WAC: variants seen among roughly 807,000 people sequenced by gnomAD.
WAC encodes the protein WW domain-containing adapter protein with coiled-coil.
Under a neutral mutation model 79.6 loss-of-function variants are expected in WAC, and 11 were observed. The observed-to-expected ratio is 0.14, with a 90% CI of 0.09 to 0.23. WAC has a LOEUF of 0.23. Ranked by LOEUF, WAC falls within the 10% of genes least tolerant of loss-of-function variation. The pLI is 1.00. For missense variants in WAC, 728 were observed against 773.5 expected, an observed-to-expected ratio of 0.94 and a Z score of 0.70; for synonymous variants, 304 against 276.9, an observed-to-expected ratio of 1.10 and a Z score of -0.97.
chr10:28,546,559 C>T (rs1837358056), intron 3 of WAC, among the ~76,000 whole-genome samples: 1 of 152,090 alleles, frequency 6.6e-6, no homozygotes, highest in South Asian at 2.1e-4. Flanking sequence ...AGTTATGATA[C>T]TTTGATTTTT....
chr10:28,603,785 T>A (rs760660055), intron 7 of WAC, among the ~76,000 whole-genome samples: 2 of 151,028 alleles, frequency 1.3e-5, no homozygotes, highest in Admixed American at 6.6e-5. Flanking sequence ...ATACAAAAAA[T>A]TAGCCGGTCG....
At chr10:28,575,748 C>CA (rs1381323698) in intron 3 of WAC, among the ~76,000 whole-genome samples, 1 of 152,156 alleles carries the variant, frequency 6.6e-6, no homozygotes, top group African/African-American at 2.4e-5. Flanking sequence ...TGATTAGCAA[C>CA]ATTCTATGTG....
intron 4 of WAC, 153 bp from the exon 5 acceptor site, chr10:28,589,583 A>G: frequency 2.5e-6 from 1 of 405,246 alleles, no homozygotes; most frequent in Non-Finnish European, 4.4e-6. Context: ...TCATAAACTA[A>G]GGTCTTATAA....
intron 4 of WAC, among the ~76,000 whole-genome samples, chr10:28,585,170 T>C (rs1242423906): frequency 6.6e-6 from 1 of 152,102 alleles, no homozygotes; most frequent in Non-Finnish European, 1.5e-5. Flanking sequence ...AGGTAACACA[T>C]ACAGTAATCA....
chr10:28,598,324 A>G (rs1840480452), intron 7 of WAC, among the ~76,000 whole-genome samples: 1 of 152,072 alleles, frequency 6.6e-6, no homozygotes, highest in Admixed American at 6.5e-5. Flanking sequence ...GCAAACTTGG[A>G]CATTTGTTAG....
chr10:28,598,679 C>A (rs1299466671), intron 7 of WAC, among the ~76,000 whole-genome samples: 1 of 152,192 alleles, frequency 6.6e-6, no homozygotes, highest in African/African-American at 2.4e-5. Context: ...GTGTTAGAGG[C>A]AGCTTCTCCA....
intron 2 of WAC, 178 bp downstream of exon 2, chr10:28,534,212 G>A: frequency 1.9e-6 from 1 of 526,044 alleles, no homozygotes; most frequent in Admixed American, 4.1e-5. Flanking sequence ...CTCCAGCAAG[G>A]TTTAGTGACT....
At chr10:28,552,589 TTTAAAACTGAAAA>T (rs1488582450) in intron 3 of WAC, among the ~76,000 whole-genome samples, 1 of 152,202 alleles carries the variant, frequency 6.6e-6, no homozygotes, top group Non-Finnish European at 1.5e-5. Context: ...CCAAATAAAA[TTTAAAACTGAAAA>T]TTTTGAATCA....
chr10:28,614,395 A>AGTTTCTTACACTG lies in WAC; in HGVS notation c.1438-168_1438-167insCTTACACTGGTTT, dbSNP rs577023547. ...GGCGTGAGCCACCGCGCCCAGCCCT[A>AGTTTCTTACACTG]GTTTGATAGGGAAGTAATTTTATGA... On this transcript the variant is annotated intron_variant, in intron 10 of 13. Coordinates refer to ENST00000354911, the MANE Select transcript of WAC (RefSeq NM_016628.5). Among the ~76,000 whole-genome samples, 53 of 152,324 alleles carry AGTTTCTTACACTG rather than the reference A, an allele frequency of 3.5e-4. No individual in the cohort carries two copies. The East Asian group carries it at 6.8e-3, about 19-fold the overall frequency.
At position 28,622,422 on chromosome 10, in the gene WAC, CCTG is replaced by C. The variant is rs1346884411; in HGVS notation, c.*2818_*2820del. 7 of 18,796 alleles carry C rather than the reference CCTG, an allele frequency of 3.7e-4. No individual in the cohort carries two copies. The highest frequency in any genetic ancestry group is 1.3e-3 in the African/African-American group (6 of 4,644). 1.2% of individuals were successfully genotyped at this position (18,796 alleles called of 1,614,324 possible). On this transcript the variant is annotated 3_prime_UTR_variant, in exon 14 of 14. Transcript: ENST00000354911. ...GGAACTTGAGTGGCCTTTCCCTCCCCCTGCCCCCCCCCCCCCCCCCCCGTTTTA... is the reference window on the plus strand; with the variant it reads ...GGAACTTGAGTGGCCTTTCCCTCCCCCCCCCCCCCCCCCCCCCCCGTTTTA...
At chr10:28,552,840 G>A (rs332122) in intron 3 of WAC, among the ~76,000 whole-genome samples, 22,940 of 128,696 alleles carry the variant, frequency 0.18, 2,595 homozygotes, top group Non-Finnish European at 0.25. Flanking sequence ...AAATCCACTT[G>A]GCTGCTTTTT....
chr10:28,608,657 T>A (rs1299506558), intron 8 of WAC: 4 of 508,796 alleles, frequency 7.9e-6, no homozygotes, highest in African/African-American at 7.8e-5. Context: ...TTGTGTATAT[T>A]TTTCAATACT....
intron 4 of WAC, among the ~76,000 whole-genome samples, chr10:28,585,622 A>G (rs1839782855): frequency 6.7e-6 from 1 of 150,022 alleles, no homozygotes; most frequent in African/African-American, 2.5e-5. Context: ...TTTCAGTGAG[A>G]TGTATATTCA....
rs550141710 is a variant in WAC at position 28,574,272 on chromosome 10, C to T, written c.275-9127C>T. ...CAGTGATTCTCCTGCCTCTGCCTCC[C>T]AAGTAGCTGGGATTACAGGCATGCG... On this transcript the variant is annotated intron_variant, in intron 3 of 13. Coordinates refer to ENST00000354911, the MANE Select transcript of WAC (RefSeq NM_016628.5). Among the ~76,000 whole-genome samples, 13 of 152,254 alleles carry T rather than the reference C, an allele frequency of 8.5e-5. 1 individual carries two copies. In the South Asian group the frequency reaches 2.7e-3, roughly 32 times the overall value.
At chr10:28,595,532 ACTC>A (rs772812843) in intron 6 of WAC, among the ~76,000 whole-genome samples, 198 bp from the exon 7 acceptor site, 4 of 151,862 alleles carry the variant, frequency 2.6e-5, no homozygotes, top group Non-Finnish European at 4.4e-5. Context: ...TTGAGCAAAA[ACTC>A]CTCCTCTTCC....
chr10:28,574,842 CTGAT>C (rs1032257906), intron 3 of WAC, among the ~76,000 whole-genome samples: 6 of 152,088 alleles, frequency 3.9e-5, no homozygotes, highest in African/African-American at 1.4e-4. Flanking sequence ...GCTCATATAA[CTGAT>C]TGGTTGGTCG....
chr10:28,563,774 G>A (rs2532739), intron 3 of WAC, among the ~76,000 whole-genome samples: 11 of 54,940 alleles, frequency 2.0e-4, no homozygotes, highest in African/African-American at 7.9e-4. Flanking sequence ...TTTTTTTTTT[G>A]TATTTTTAGT....
At chr10:28,533,723 A>T in intron 1 of WAC, 103 bp downstream of exon 1, 1 of 1,089,684 alleles carries the variant, frequency 9.2e-7, no homozygotes, top group Non-Finnish European at 1.3e-6. Context: ...TTTGTTGTTA[A>T]CCCTGATCCG....
intron 13 of WAC, 29 bp downstream of exon 13, chr10:28,617,813 T>C: frequency 6.4e-7 from 1 of 1,558,242 alleles, no homozygotes; most frequent in Non-Finnish European, 8.6e-7. Flanking sequence ...TATATTTTTA[T>C]GTTTCTCAGG....
Sources: allele counts gnomAD v4.1 joint callset (sites outside exome capture counted in the v4.1 genomes callset), GRCh38; gene constraint gnomAD v4.1.1; transcripts MANE v1.5; gene names NCBI Gene and HGNC (gene_info 2026-07-23, HGNC 2026-07-21).